HSD17B2: variants seen among roughly 807,000 people sequenced by gnomAD.
HSD17B2 encodes the protein hydroxysteroid 17-beta dehydrogenase 2.
Under a neutral mutation model 26.9 loss-of-function variants are expected in HSD17B2, and 32 were observed. That is an observed-to-expected ratio of 1.19 (90% confidence interval 0.90 to 1.60). The LOEUF (loss-of-function observed/expected upper bound fraction) is 1.60, where lower values mean the gene tolerates loss of function less well. Ranked by LOEUF, HSD17B2 falls within the 40% of genes most tolerant of loss-of-function variation. The pLI is 0.00. For missense variants in HSD17B2, 613 were observed against 468.6 expected (o/e 1.31, Z -2.85); for synonymous variants, 246 against 186.7 (o/e 1.32, Z -2.59).
chr16:82,040,749 G>A (rs1470977146), intron 1 of HSD17B2, among the ~76,000 whole-genome samples: 1 of 152,210 alleles, frequency 6.6e-6, no homozygotes, highest in African/African-American at 2.4e-5. Flanking sequence ...AGAGGGTGAT[G>A]ATTTGAGACA....
chr16:82,091,277 G>A (rs1196269027), intron 4 of HSD17B2: 1 of 545,938 alleles, frequency 1.8e-6, no homozygotes, highest in Non-Finnish European at 3.3e-6. Flanking sequence ...GAAAACCAGG[G>A]AGAGGGGAAA....
At chr16:82,052,428 C>T (rs72829163) in intron 1 of HSD17B2, 5,211 of 152,360 alleles carry the variant, frequency 0.034, 118 homozygotes, top group Non-Finnish European at 0.048. Flanking sequence ...AGCGAACTGT[C>T]ATGTATCCAA....
chr16:82,084,505 G>A (rs1476997125), intron 3 of HSD17B2, among the ~76,000 whole-genome samples: 1 of 152,098 alleles, frequency 6.6e-6, no homozygotes, highest in Non-Finnish European at 1.5e-5. Context: ...CCTCTCAACG[G>A]AGAGAGAGTA....
At chr16:82,089,886 C>G (rs1254972526) in intron 3 of HSD17B2, among the ~76,000 whole-genome samples, 2 of 152,180 alleles carry the variant, frequency 1.3e-5, no homozygotes, top group Non-Finnish European at 2.9e-5. Context: ...TCAGTGACAT[C>G]TTCAGAGACT....
chr16:82,072,508 A>G (rs1172199119), intron 3 of HSD17B2, among the ~76,000 whole-genome samples: 1 of 152,138 alleles, frequency 6.6e-6, no homozygotes, highest in Non-Finnish European at 1.5e-5. Flanking sequence ...TATAATAAAT[A>G]TTTACTGAAA....
At chr16:82,047,014 C>A (rs2143928176) in intron 1 of HSD17B2, among the ~76,000 whole-genome samples, 1 of 152,298 alleles carries the variant, frequency 6.6e-6, no homozygotes, top group East Asian at 1.9e-4. Flanking sequence ...GCTCAGCTGA[C>A]CCAAGCACCT....
intron 1 of HSD17B2, among the ~76,000 whole-genome samples, chr16:82,060,952 G>C (rs981932158): frequency 6.6e-6 from 1 of 152,076 alleles, no homozygotes; most frequent in African/African-American, 2.4e-5. Flanking sequence ...TGTAGTGTCG[G>C]TTTTTTAAAA....
At chr16:82,069,789 GC>G (rs959895915) in intron 2 of HSD17B2, among the ~76,000 whole-genome samples, 1 of 152,144 alleles carries the variant, frequency 6.6e-6, no homozygotes, top group African/African-American at 2.4e-5. Context: ...AAAACATGGG[GC>G]CCCTAGCTTG....
intron 3 of HSD17B2, among the ~76,000 whole-genome samples, chr16:82,088,253 T>C (rs535574502): frequency 1.3e-5 from 2 of 152,300 alleles, no homozygotes; most frequent in African/African-American, 4.8e-5. Flanking sequence ...CGTGAACATA[T>C]GGAGCCTTTT....
intron 3 of HSD17B2, among the ~76,000 whole-genome samples, chr16:82,089,912 T>A (rs8191214): frequency 1.5e-3 from 224 of 152,298 alleles, no homozygotes; most frequent in African/African-American, 5.0e-3. Context: ...TCCAAGTGGA[T>A]CACTCCCTTT....
intron 3 of HSD17B2, chr16:82,071,725 C>T (rs1209810688): frequency 6.1e-6 from 1 of 163,022 alleles, no homozygotes. Flanking sequence ...ATAAAAAATG[C>T]CCATGCGTGT....
chr16:82,069,354 G>A (rs1019374752), intron 2 of HSD17B2, among the ~76,000 whole-genome samples: 1 of 152,126 alleles, frequency 6.6e-6, no homozygotes, highest in African/African-American at 2.4e-5. Flanking sequence ...TTGCTTTTGT[G>A]ACTAGGGCTG....
intron 1 of HSD17B2, among the ~76,000 whole-genome samples, chr16:82,067,625 G>C (rs1914602840): frequency 6.6e-6 from 1 of 152,172 alleles, no homozygotes; most frequent in Non-Finnish European, 1.5e-5. Flanking sequence ...CCATGGATAG[G>C]GAAAAAGGCC....
intron 3 of HSD17B2, chr16:82,090,138 T>C (rs1904641300): frequency 2.9e-6 from 2 of 684,382 alleles, no homozygotes; most frequent in Non-Finnish European, 3.6e-6. Flanking sequence ...TTGCAACAAG[T>C]ATTGAGCACA....
At chr16:82,070,133 T>C (rs1423215981) in intron 2 of HSD17B2, among the ~76,000 whole-genome samples, 4 of 152,174 alleles carry the variant, frequency 2.6e-5, no homozygotes, top group African/African-American at 7.2e-5. Flanking sequence ...ATGTCAAATG[T>C]TGTTTTTTTT....
At chr16:82,078,441 G>A (rs1205822727) in intron 3 of HSD17B2, among the ~76,000 whole-genome samples, 3 of 152,194 alleles carry the variant, frequency 2.0e-5, no homozygotes, top group Non-Finnish European at 4.4e-5. Flanking sequence ...TCATGGGGAT[G>A]TAAATTAGTA....
rs887195429 is a variant in HSD17B2 at position 82,051,537 on chromosome 16, A to C, written c.265+15848A>C. Among the ~76,000 whole-genome samples the C allele has an allele frequency of 3.3e-5, 5 of 151,454 alleles. No homozygotes were observed. In the South Asian group the frequency reaches 1.0e-3, roughly 32 times the overall value. ...ACTATGAGAACATAGGGACACAGAG[A>C]GAGTAACAGCACACATCGGGGCCTA... is the stretch of plus-strand genomic sequence containing the variant. On this transcript the variant is annotated intron_variant, in intron 1 of 4. Coordinates refer to ENST00000199936, the MANE Select transcript of HSD17B2 (RefSeq NM_002153.3).
At chr16:82,063,487 C>T (rs1914498736) in intron 1 of HSD17B2, among the ~76,000 whole-genome samples, 6 of 152,068 alleles carry the variant, frequency 3.9e-5, no homozygotes, top group Admixed American at 3.3e-4. Context: ...CACACTGCCT[C>T]ATGGGTAAAC....
chr16:82,080,777 T>C (rs1001627828), intron 3 of HSD17B2, among the ~76,000 whole-genome samples: 96 of 152,290 alleles, frequency 6.3e-4, no homozygotes, highest in African/African-American at 2.2e-3. Flanking sequence ...CAGGTCTCCA[T>C]GAACACTTTC....
Sources: allele counts gnomAD v4.1 joint callset (sites outside exome capture counted in the v4.1 genomes callset), GRCh38; gene constraint gnomAD v4.1.1; transcripts MANE v1.5; gene names NCBI Gene and HGNC (gene_info 2026-07-23, HGNC 2026-07-21).